Variants in GAREM2 observed in about 807,000 individuals in gnomAD.
The protein encoded by GAREM2 is GRB2-associated and regulator of MAPK protein 2.
Under a neutral mutation model 55.6 loss-of-function variants are expected in GAREM2, and 30 were observed. That is an observed-to-expected ratio of 0.54 (90% CI 0.40 to 0.73). The LOEUF (loss-of-function observed/expected upper bound fraction) is 0.73. GAREM2 is among the 30% of genes least tolerant of loss of function. GAREM2 has a pLI of 0.00. For synonymous variants in GAREM2, 550 were observed against 569.1 expected (o/e 0.97, Z 0.48); for missense variants, 1,075 against 1,257.7 (o/e 0.85, Z 2.20).
rs1369479559 is a variant in GAREM2 at position 26,182,268 on chromosome 2, C to T, written c.254-699C>T. 37 of 1,432,080 alleles carry T rather than the reference C, an allele frequency of 2.6e-5. No individual in the cohort carries two copies. In the East Asian group the frequency reaches 8.4e-4, roughly 32 times the overall value. 88.7% of individuals were successfully genotyped at this position (1,432,080 alleles called of 1,614,324 possible). A position where few individuals can be genotyped will look rare whatever the true frequency, so the allele number is the denominator to read the frequency against. On this transcript the variant is annotated intron_variant, in intron 2 of 5. Coordinates refer to ENST00000401533, the MANE Select transcript of GAREM2 (RefSeq NM_001168241.2). ...GCTTGGCAAAGCACGCAGCCCCAGA[C>T]TGCAGGTTGGGAAGGCCTACTCTCA...
chr2:26,196,400 G>A, the GAREM2 span, among the ~76,000 whole-genome samples: 3 of 152,184 alleles, frequency 2.0e-5, no homozygotes, highest in Non-Finnish European at 4.4e-5. Context: ...CTTTATTGAT[G>A]TAGAATTTCT....
At chr2:26,201,228 A>G in the GAREM2 span, 5 of 1,613,504 alleles carry the variant, frequency 3.1e-6, no homozygotes, top group Non-Finnish European at 3.4e-6. Flanking sequence ...GGCCTTTTCA[A>G]AACCTTGGTA....
rs1376710395 is a variant in GAREM2 at position 26,184,968 on chromosome 2, A to AGCCCGCGCCGCGCGCGCCTCTGCCT, written c.1136_1160dup (p.Gly389LeufsTer187). 2 of 1,207,358 alleles carry AGCCCGCGCCGCGCGCGCCTCTGCCT rather than the reference A, an allele frequency of 1.7e-6. No individual in the cohort carries two copies. Among genetic ancestry groups the AGCCCGCGCCGCGCGCGCCTCTGCCT allele is most frequent in the Non-Finnish European group, 2.1e-6 (2 of 973,266 alleles). The allele number at this position is 1,207,358 out of a possible 1,614,324, so 74.8% of individuals were successfully genotyped here. On this transcript the variant is annotated frameshift_variant, in exon 4 of 6. Coordinates refer to ENST00000401533, the MANE Select transcript of GAREM2 (RefSeq NM_001168241.2). LOFTEE classifies it high-confidence loss of function. ...AGCGGAGCTCGCCGAAGACTGCGCC[A>AGCCCGCGCCGCGCGCGCCTCTGCCT]GCCCGCGCCGCGCGCGCCTCTGCCT...
At chr2:26,191,661 A>G (rs1309675738), downstream of GAREM2, 15 of 1,606,368 alleles carry the variant, frequency 9.3e-6, 1 homozygote, top group South Asian at 1.1e-4. Context: ...AGGTAGAAGA[A>G]GAGGAAAAGG....
chr2:26,198,964 A>T, the GAREM2 span, among the ~76,000 whole-genome samples: 1 of 151,080 alleles, frequency 6.6e-6, no homozygotes, highest in Admixed American at 6.6e-5. Context: ...GTGCAATCTC[A>T]GCTCACCGCA....
At chr2:26,191,394 C>A, downstream of GAREM2, 1 of 1,614,154 alleles carries the variant, frequency 6.2e-7, no homozygotes, top group Non-Finnish European at 8.5e-7. Flanking sequence ...AGCGGAAAGG[C>A]CCTGAATAGA....
intron 4 of GAREM2, among the ~76,000 whole-genome samples, chr2:26,185,867 C>T (rs1669235554): frequency 6.6e-6 from 1 of 152,196 alleles, no homozygotes; most frequent in African/African-American, 2.4e-5. Flanking sequence ...TGCTTTCTCT[C>T]CTTTTCCTTG....
chr2:26,176,467 T>C lies in GAREM2; in HGVS notation c.236T>C (p.Ile79Thr). The part of the protein sequence containing the change: ...GHYVIGPKID[I>T]PLQYPGKFKL... Reference sequence around the variant, plus strand: ...TATGTCATCGGGCCCAAGATCGACATCCCCCTGCAGTACCCAGGTGTGTCC... The same window carrying C: ...TATGTCATCGGGCCCAAGATCGACACCCCCCTGCAGTACCCAGGTGTGTCC... The change falls in exon 2 of 6, where the codon ATC (isoleucine) becomes ACC (threonine). Residue 79 changes from isoleucine to threonine, a missense_variant. Physicochemically the swap from Ile to Thr is moderately conservative, Grantham distance 89. Around this residue, in one of 6 missense-constraint regions of GAREM2, gnomAD observed 230 missense variants for 310.6 expected, o/e 0.74. Coordinates refer to ENST00000401533, the MANE Select transcript of GAREM2 (RefSeq NM_001168241.2). 1 of 1,546,612 alleles carries C rather than the reference T, an allele frequency of 6.5e-7. No homozygotes were observed. Among genetic ancestry groups the C allele is most frequent in the Non-Finnish European group, 8.7e-7 (1 of 1,144,344 alleles).
At chr2:26,175,163 C>T (rs975785070) in intron 1 of GAREM2, among the ~76,000 whole-genome samples, 7 of 152,168 alleles carry the variant, frequency 4.6e-5, no homozygotes. Flanking sequence ...AACCATTTCC[C>T]ATTTGATTGG....
intron 2 of GAREM2, chr2:26,182,524 C>T (rs973957330): frequency 3.3e-6 from 5 of 1,533,228 alleles, no homozygotes; most frequent in Non-Finnish European, 4.4e-6. Context: ...TCCCTACCCC[C>T]TCAGATGAGG....
Position 26,188,396 on chromosome 2 carries a change from G to T in GAREM2, c.*139G>T. Reference sequence around the variant, plus strand: ...CAGCAGCCACTGGGTGGATCCAGGGGAGATGCATGTGGAAATGTGGTCCTC... The same window carrying T: ...CAGCAGCCACTGGGTGGATCCAGGGTAGATGCATGTGGAAATGTGGTCCTC... On this transcript the variant is annotated 3_prime_UTR_variant, in exon 6 of 6. Coordinates refer to ENST00000401533, the MANE Select transcript of GAREM2 (RefSeq NM_001168241.2). The T allele has an allele frequency of 4.9e-6, 3 of 609,642 alleles. No individual in the cohort carries two copies. The highest frequency in any genetic ancestry group is 7.9e-6 in the Non-Finnish European group (3 of 380,060). The allele number at this position is 609,642 out of a possible 1,614,324, so 37.8% of individuals were successfully genotyped here.
rs775083409 is a variant in GAREM2 at position 26,184,777 on chromosome 2, C to T, written c.929C>T (p.Pro310Leu). The T allele has an allele frequency of 4.2e-5, 63 of 1,498,780 alleles. No individual in the cohort carries two copies. The highest frequency in any genetic ancestry group is 3.5e-6 in the Non-Finnish European group (4 of 1,130,476). The allele number at this position is 1,498,780 out of a possible 1,614,324, so 92.8% of individuals were successfully genotyped here. A position where few individuals can be genotyped will look rare whatever the true frequency, so the allele number is the denominator to read the frequency against. Residue 310 changes from proline (P) to leucine (L), a missense_variant, in exon 4 of 6, where the codon CCG becomes CTG. Physicochemically the swap from Pro to Leu is moderately conservative, Grantham distance 98. This residue lies in a region of GAREM2 where 170 missense variants were observed against 220.7 expected (regional missense o/e 0.77). Coordinates refer to ENST00000401533, the MANE Select transcript of GAREM2 (RefSeq NM_001168241.2). Reference protein sequence around the residue: ...VLGLALRREGPAPLHFLLLTD... With the variant: ...VLGLALRREGLAPLHFLLLTD... ...GGGCTGGCGCTGCGCCGCGAGGGCC[C>T]GGCGCCGCTGCACTTCCTGCTGCTC...
intron 2 of GAREM2, among the ~76,000 whole-genome samples, chr2:26,177,971 C>A (rs891531140): frequency 2.0e-5 from 3 of 152,270 alleles, no homozygotes; most frequent in African/African-American, 7.2e-5. Context: ...TCCTGACAAC[C>A]CCCTCACCAA....
At chr2:26,193,787 A>G, downstream of GAREM2, 2 of 1,608,904 alleles carry the variant, frequency 1.2e-6, 1 homozygote, top group Non-Finnish European at 1.7e-6. Context: ...ACAGGAAGCG[A>G]TGCAGGGACC....
rs770379930 is a variant in GAREM2 at position 26,182,542 on chromosome 2, G to A, written c.254-425G>A. 37 of 1,510,456 alleles carry A rather than the reference G, an allele frequency of 2.4e-5. 1 individual carries two copies. The South Asian group carries it at 4.4e-4, about 18-fold the overall frequency. The allele number at this position is 1,510,456 out of a possible 1,614,324, so 93.6% of individuals were successfully genotyped here. A position where few individuals can be genotyped will look rare whatever the true frequency, so the allele number is the denominator to read the frequency against. ...CTACCCCCTCAGATGAGGACCCAGA[G>A]GCCCAGAGAGGGAAAGGAACTTGTC... On this transcript the variant is annotated intron_variant, in intron 2 of 5. Transcript: ENST00000401533.
chr2:26,197,897 C>G, the GAREM2 span: 1 of 729,970 alleles, frequency 1.4e-6, no homozygotes, highest in Non-Finnish European at 2.6e-6. Context: ...ACTGCTCAGA[C>G]AGTAGATGTC....
chr2:26,197,803 G>A, the GAREM2 span: 1 of 1,117,448 alleles, frequency 8.9e-7, no homozygotes, highest in African/African-American at 1.5e-5. Flanking sequence ...ATTTAACAAT[G>A]TGTCAGGTAG....
At position 26,179,396 on chromosome 2, in the gene GAREM2, C is replaced by T. The variant is rs936674501; in HGVS notation, c.253+2912C>T. Among the ~76,000 whole-genome samples, 4 of 152,334 alleles carry T rather than the reference C, an allele frequency of 2.6e-5. No homozygotes were observed. The highest frequency in any genetic ancestry group is 6.5e-5 in the Admixed American group (1 of 15,308). ...CCAAGGTCACACAGCTGGCTAGTGG[C>T]AGGGTGGGATTCAGCCAGATTTGTC... On this transcript the variant is annotated intron_variant, in intron 2 of 5. Transcript: ENST00000401533. The surrounding 1 kb of genome is among the most constrained non-coding windows in gnomAD (Gnocchi z 4.7).
chr2:26,198,283 C>T, the GAREM2 span, among the ~76,000 whole-genome samples: 2 of 152,082 alleles, frequency 1.3e-5, no homozygotes, highest in Non-Finnish European at 2.9e-5. Context: ...TACACAAATA[C>T]TATTAACTAT....
Sources: allele counts gnomAD v4.1 joint callset (sites outside exome capture counted in the v4.1 genomes callset), GRCh38; gene constraint gnomAD v4.1.1; regional missense constraint gnomAD v4.1.1; non-coding constraint Gnocchi (gnomAD v3.1); transcripts MANE v1.5; gene names NCBI Gene and HGNC (gene_info 2026-07-23, HGNC 2026-07-21).